WRAP53: variants seen among roughly 807,000 people sequenced by gnomAD.
WRAP53 encodes the protein telomerase Cajal body protein 1.
In WRAP53, 28 loss-of-function variants were observed where a neutral mutation model predicts 56.6. The ratio of observed to expected loss-of-function variants is 0.50; its 90% CI spans 0.37 to 0.68. WRAP53 has a LOEUF of 0.68. Ranked by LOEUF, WRAP53 falls within the 30% of genes least tolerant of loss-of-function variation. The pLI is 0.00. For missense variants in WRAP53, 671 were observed against 715.5 expected (o/e 0.94, Z 0.71); for synonymous variants, 283 against 283.4 (o/e 1.00, Z 0.01).
chr17:7,699,470 A>ATT (rs2074233643), intron 4 of WRAP53, among the ~76,000 whole-genome samples: 1 of 13,508 alleles, frequency 7.4e-5, no homozygotes, highest in African/African-American at 3.3e-4. Flanking sequence ...ATATATATAT[A>ATT]TATATTTATA....
chr17:7,691,484 G>A (rs2074108758), intron 4 of WRAP53, among the ~76,000 whole-genome samples: 1 of 150,842 alleles, frequency 6.6e-6, no homozygotes, highest in African/African-American at 2.4e-5. Flanking sequence ...CTGCCTCCTG[G>A]ATTCAAGCGA....
At position 7,702,918 on chromosome 17, in the gene WRAP53, C is replaced by T. The variant is rs2074294645; in HGVS notation, c.1268+72C>T. On this transcript the variant is annotated intron_variant, in intron 9 of 10. Coordinates refer to ENST00000396463, the MANE Select transcript of WRAP53 (RefSeq NM_001143992.2). This position sits in a 1 kb window ranked among gnomAD's most constrained non-coding sequence, Gnocchi z 5.0. Reference sequence around the variant, plus strand: ...GAATGCCAGAGCCCAGCTGTAGGGTCCCAGTCCCTGGGTGTGAGGGGTTCC... The same window carrying T: ...GAATGCCAGAGCCCAGCTGTAGGGTTCCAGTCCCTGGGTGTGAGGGGTTCC... 3 of 1,612,772 alleles carry T rather than the reference C, an allele frequency of 1.9e-6. No individual in the cohort carries two copies. Among genetic ancestry groups the T allele is most frequent in the Admixed American group, 1.7e-5 (1 of 59,996 alleles).
intron 5 of WRAP53, 25 bp downstream of exon 5, chr17:7,700,854 C>A: frequency 1.9e-6 from 3 of 1,553,200 alleles, no homozygotes; most frequent in South Asian, 1.1e-5. Context: ...CCTCCCTGCT[C>A]GCCGCCCCAC....
rs1311327788 is a variant in WRAP53, at chr17:7,701,392, A to T, written c.732-67A>T. On this transcript the variant is annotated intron_variant, in intron 5 of 10. Coordinates refer to ENST00000396463, the MANE Select transcript of WRAP53 (RefSeq NM_001143992.2). This position sits in a 1 kb window ranked among gnomAD's most constrained non-coding sequence, Gnocchi z 4.2. ...AGTGCTGGGATTACAGGCATGAGCC[A>T]CTGTGCCCGGCCATTCCTCCCCTTC... is the stretch of plus-strand genomic sequence containing the variant. 6.4e-7 allele frequency: 1 copy of T among 1,562,010 alleles called. No homozygotes were observed. The highest frequency in any genetic ancestry group is 1.1e-5 in the South Asian group (1 of 89,962).
At chr17:7,696,290 A>ATAT (rs2074183156) in intron 4 of WRAP53, among the ~76,000 whole-genome samples, 1 of 79,924 alleles carries the variant, frequency 1.3e-5, no homozygotes, top group African/African-American at 5.4e-5. Flanking sequence ...GGACTCAGAG[A>ATAT]TTTTTTTTTT....
chr17:7,695,682 C>T (rs951051373), intron 4 of WRAP53, among the ~76,000 whole-genome samples: 7 of 152,106 alleles, frequency 4.6e-5, no homozygotes, highest in Non-Finnish European at 7.4e-5. Context: ...CTCTCCTGTT[C>T]GCCCGCCATT....
At position 7,701,905 on chromosome 17, in the gene WRAP53, C is replaced by T. The variant is rs750515731; in HGVS notation, c.955+116C>T. The T allele has an allele frequency of 1.7e-5, 25 of 1,503,740 alleles. No homozygotes were observed. Among genetic ancestry groups the T allele is most frequent in the African/African-American group, 8.3e-5 (6 of 72,440 alleles). 93.1% of individuals were successfully genotyped at this position (1,503,740 alleles called of 1,614,324 possible). ...GTTCACGCCGTCCTCTGTACGGCCC[C>T]GGGAGCAGGTGCAGCCCAGTCGGCA... On this transcript the variant is annotated intron_variant, in intron 7 of 10. Coordinates refer to ENST00000396463, the MANE Select transcript of WRAP53 (RefSeq NM_001143992.2). The surrounding 1 kb of genome is among the most constrained non-coding windows in gnomAD (Gnocchi z 4.2).
chr17:7,699,544 A>C (rs2074247676), intron 4 of WRAP53, among the ~76,000 whole-genome samples: 2 of 87,364 alleles, frequency 2.3e-5, no homozygotes, highest in Non-Finnish European at 4.4e-5. Context: ...ATATATTCCT[A>C]AGGAAATGTA....
rs1342817999 is a variant in WRAP53 at position 7,689,299 on chromosome 17, GA to G, written c.509del (p.Asn170ThrfsTer3). ...GGTCAGAGTTCAGCACCCAACCTGA[GA>G]ACTTCTTGAAAGGCTGTAAGTGGTA... ...SWSEFSTQPE[N>X]FLKGCKWAPD... On this transcript the variant is annotated frameshift_variant, in exon 3 of 11. Transcript: ENST00000396463. LOFTEE classifies it high-confidence loss of function. 4 of 1,613,930 alleles carry G rather than the reference GA, an allele frequency of 2.5e-6. No individual in the cohort carries two copies. The Admixed American group carries it at 6.7e-5, about 27-fold the overall frequency.
intron 4 of WRAP53, among the ~76,000 whole-genome samples, chr17:7,694,131 C>T (rs879690622): frequency 4.0e-5 from 6 of 151,642 alleles, no homozygotes; most frequent in Non-Finnish European, 5.9e-5. Flanking sequence ...AAAAAAGATA[C>T]AAAGTTAGCC....
In WRAP53 at chr17:7,688,502, G is replaced by C. The variant is rs2074050484; in HGVS notation, c.-61G>C. ...AGTGCTTTCAAAAGAATTGGCGTCC[G>C]CTGTTCGCCTCTCCTCCCGGGAGTC... On this transcript the variant is annotated 5_prime_UTR_variant, in exon 1 of 11. Transcript: ENST00000396463. 2.5e-6 allele frequency: 2 copies of C among 815,708 alleles called. No homozygotes were observed. The highest frequency in any genetic ancestry group is 3.5e-5 in the African/African-American group (2 of 57,826). 50.5% of individuals were successfully genotyped at this position (815,708 alleles called of 1,614,324 possible).
chr17:7,687,453 G>C, upstream of WRAP53: 4 of 398,736 alleles, frequency 1.0e-5, no homozygotes, highest in Admixed American at 4.4e-5. Context: ...GAGCCCAGCA[G>C]CTACCTGCTC....
intron 4 of WRAP53, among the ~76,000 whole-genome samples, chr17:7,696,316 T>TG: frequency 6.9e-6 from 1 of 145,476 alleles, no homozygotes; most frequent in East Asian, 2.0e-4. Flanking sequence ...TTTTTTTTTT[T>TG]GAAATGGAGT....
chr17:7,693,952 A>T (rs8080603), intron 4 of WRAP53, among the ~76,000 whole-genome samples: 8,285 of 152,094 alleles, frequency 0.054, 518 homozygotes, highest in African/African-American at 0.16. Context: ...ACTGTAAATA[A>T]GTTTTTGATG....
rs375534431 is a variant in WRAP53 at position 7,701,581 on chromosome 17, G to A, written c.822+32G>A. The A allele has an allele frequency of 7.1e-5, 115 of 1,614,228 alleles. 1 individual carries two copies. In the African/African-American group the frequency reaches 9.9e-4, roughly 14 times the overall value. ...ACCGCCATACTCAGCCCCAGCACTCGTACTGGCCCGGCTCTCCTTCCTTGA... is the reference window on the plus strand; with the variant it reads ...ACCGCCATACTCAGCCCCAGCACTCATACTGGCCCGGCTCTCCTTCCTTGA... On this transcript the variant is annotated intron_variant, in intron 6 of 10. Transcript: ENST00000396463. This position sits in a 1 kb window ranked among gnomAD's most constrained non-coding sequence, Gnocchi z 4.2.
At position 7,702,468 on chromosome 17, in the gene WRAP53, C is replaced by A; in HGVS notation, c.1080C>A (p.Leu360=). Residue 360 remains leucine, a synonymous_variant, in exon 8 of 11, where the codon CTC becomes CTA. Coordinates refer to ENST00000396463, the MANE Select transcript of WRAP53 (RefSeq NM_001143992.2). The surrounding 1 kb of genome is among the most constrained non-coding windows in gnomAD (Gnocchi z 5.0). Reference sequence around the variant, plus strand: ...ATGCCTGGGATGATGGCTCCCCTCTCGCCTTGCTGGGAGGGCACCAAGGGG... The same window carrying A: ...ATGCCTGGGATGATGGCTCCCCTCTAGCCTTGCTGGGAGGGCACCAAGGGG... ...GLYAWDDGSP[L]ALLGGHQGGI... 11 of 1,614,042 alleles carry A rather than the reference C, an allele frequency of 6.8e-6. No homozygotes were observed. The highest frequency in any genetic ancestry group is 9.3e-6 in the Non-Finnish European group (11 of 1,180,032).
rs1411129339 is a variant in WRAP53 at position 7,699,463 on chromosome 17, T to C, written c.643-1278T>C. ...ATTTATATATATATATATATTTATA[T>C]ATATATATATATTTATATATATATA... On this transcript the variant is annotated intron_variant, in intron 4 of 10. Coordinates refer to ENST00000396463, the MANE Select transcript of WRAP53 (RefSeq NM_001143992.2). 1.1e-3 allele frequency among the ~76,000 whole-genome samples: 19 copies of C among 17,666 alleles called. No homozygotes were observed. In the African/African-American group the frequency reaches 0.011, roughly 10 times the overall value. The allele number at this position is 17,666 out of a possible 152,430, so 11.6% of individuals were successfully genotyped here.
At position 7,688,702 on chromosome 17, in the gene WRAP53, G is replaced by C. The variant is rs1267664694; in HGVS notation, c.54G>C (p.Gln18His). Residue 18 changes from glutamine to histidine, a missense_variant, in exon 2 of 11, where the codon CAG (glutamine) becomes CAC (histidine). Physicochemically the swap from Gln to His is conservative, Grantham distance 24. Transcript: ENST00000396463. ...CTCCGGACTGCTGTCCTTCAGACCA[G>C]GACCCAGCTCCAGCCCATCCTTCTC... Reference protein sequence around the residue: ...PLAPDCCPSDQDPAPAHPSPH... With the variant: ...PLAPDCCPSDHDPAPAHPSPH... 3 of 1,614,062 alleles carry C rather than the reference G, an allele frequency of 1.9e-6. No homozygotes were observed. The highest frequency in any genetic ancestry group is 2.5e-6 in the Non-Finnish European group (3 of 1,180,044).
chr17:7,702,950 A>C lies in WRAP53; in HGVS notation c.1269-43A>C. The C allele has an allele frequency of 6.2e-7, 1 of 1,613,058 alleles. No individual in the cohort carries two copies. The highest frequency in any genetic ancestry group is 8.5e-7 in the Non-Finnish European group (1 of 1,179,998). ...CCTGGGTGTGAGGGGTTCCTGCCCC[A>C]GGGGTGAGGCCTCTGCCAGCAAATC... On this transcript the variant is annotated intron_variant, in intron 9 of 10. Coordinates refer to ENST00000396463, the MANE Select transcript of WRAP53 (RefSeq NM_001143992.2). This position sits in a 1 kb window ranked among gnomAD's most constrained non-coding sequence, Gnocchi z 5.0.
Sources: allele counts gnomAD v4.1 joint callset (sites outside exome capture counted in the v4.1 genomes callset), GRCh38; gene constraint gnomAD v4.1.1; non-coding constraint Gnocchi (gnomAD v3.1); transcripts MANE v1.5; gene names NCBI Gene and HGNC (gene_info 2026-07-23, HGNC 2026-07-21).